Variants in PRDM10 observed in about 807,000 individuals in gnomAD.
PRDM10 encodes the protein PR domain zinc finger protein 10.
PRDM10 carries 65 observed loss-of-function variants against 133.1 expected under a neutral mutation model. The ratio of observed to expected loss-of-function variants is 0.49; its 90% CI spans 0.40 to 0.60. The LOEUF is 0.60. Ranked by LOEUF, PRDM10 falls within the 20% of genes least tolerant of loss-of-function variation. The pLI is 0.00. For synonymous variants in PRDM10, 582 were observed against 580.4 expected, an observed-to-expected ratio of 1.00 and a Z score of -0.04; for missense variants, 1,137 against 1,507.1, an observed-to-expected ratio of 0.75 and a Z score of 4.07.
chr11:129,905,561 G>A (rs775089641), intron 20 of PRDM10, 77 bp downstream of exon 20: 18 of 1,061,190 alleles, frequency 1.7e-5, no homozygotes, highest in African/African-American at 7.9e-5. Context: ...CAATCATTAC[G>A]AGATAAGTGG....
intron 1 of PRDM10, among the ~76,000 whole-genome samples, chr11:129,982,757 C>A (rs1224768306): frequency 6.6e-6 from 1 of 151,912 alleles, no homozygotes; most frequent in African/African-American, 2.4e-5. Context: ...TCAAGATCAG[C>A]CTGGGCAACA....
At chr11:129,938,775 G>T (rs545728741) in intron 7 of PRDM10, among the ~76,000 whole-genome samples, 2 of 152,142 alleles carry the variant, frequency 1.3e-5, no homozygotes, top group African/African-American at 2.4e-5. Flanking sequence ...ACGGCTTCTC[G>T]TCTCATAGTA....
At chr11:129,926,615 A>G (rs1950685877) in intron 11 of PRDM10, among the ~76,000 whole-genome samples, 1 of 152,242 alleles carries the variant, frequency 6.6e-6, no homozygotes, top group Admixed American at 6.5e-5. Flanking sequence ...ACTATGTAAC[A>G]AGAGATTTCC....
At chr11:129,902,684 T>C (rs1049429296) in intron 20 of PRDM10, among the ~76,000 whole-genome samples, 168 bp from the exon 21 acceptor site, 86 of 152,262 alleles carry the variant, frequency 5.6e-4, no homozygotes, top group Non-Finnish European at 2.2e-4. Flanking sequence ...TCACAATAAT[T>C]GACGACAAAG....
intron 6 of PRDM10, among the ~76,000 whole-genome samples, chr11:129,943,065 GAAA>G (rs1296611971): frequency 6.6e-6 from 1 of 152,136 alleles, no homozygotes; most frequent in Non-Finnish European, 1.5e-5. Context: ...AGAACACAAA[GAAA>G]ATCTCCCCAT....
chr11:129,912,067 G>A lies in PRDM10; in HGVS notation c.2982+18C>T. The A allele has an allele frequency of 6.3e-7, 1 of 1,584,304 alleles. No homozygotes were observed. The highest frequency in any genetic ancestry group is 1.2e-5 in the South Asian group (1 of 86,708). On this transcript the variant is annotated intron_variant, in intron 18 of 20. Coordinates refer to ENST00000360871, the MANE Select transcript of PRDM10 (RefSeq NM_199437.2). ...GAAGCCATGATAACACCTCCAAATA[G>A]TCTGTGGAGCAGGGTACCTGGGCGG...
intron 1 of PRDM10, among the ~76,000 whole-genome samples, chr11:129,968,379 G>C (rs1467463831): frequency 6.6e-6 from 1 of 152,174 alleles, no homozygotes; most frequent in Non-Finnish European, 1.5e-5. Context: ...GCTATGGAAA[G>C]AAGTTATAGG....
At position 129,912,117 on chromosome 11, in the gene PRDM10, C is replaced by T. The variant is rs747377245; in HGVS notation, c.2950G>A (p.Glu984Lys). The change falls in exon 18 of 21, where the codon GAG becomes AAG. Residue 984 changes from glutamate to lysine, a missense_variant. Coordinates refer to ENST00000360871, the MANE Select transcript of PRDM10 (RefSeq NM_199437.2). ...AIQVQHIQVSEPTASAPSSAQ... is the reference protein window; with the variant it reads ...AIQVQHIQVSKPTASAPSSAQ... ...GAGGACGGGGCCGAGGCGGTAGGCT[C>T]GCTGACCTGGATGTGCTGCACCTGG... is the stretch of plus-strand genomic sequence containing the variant. The T allele has an allele frequency of 1.2e-5, 20 of 1,612,370 alleles. No individual in the cohort carries two copies. In the African/African-American group the frequency reaches 1.6e-4, roughly 13 times the overall value.
At chr11:129,954,158 T>C (rs1951649426) in intron 4 of PRDM10, among the ~76,000 whole-genome samples, 1 of 151,270 alleles carries the variant, frequency 6.6e-6, no homozygotes, top group Non-Finnish European at 1.5e-5. Flanking sequence ...GATATGAATA[T>C]AACTAGGGTT....
In PRDM10 at chr11:129,942,564, A is replaced by C. The variant is rs755391731; in HGVS notation, c.828T>G (p.Ser276=). 10 of 1,614,160 alleles carry C rather than the reference A, an allele frequency of 6.2e-6. No homozygotes were observed. Among genetic ancestry groups the C allele is most frequent in the Non-Finnish European group, 8.5e-6 (10 of 1,180,030 alleles). Residue 276 remains serine, a synonymous_variant, in exon 7 of 21, where the codon TCT becomes TCG. Coordinates refer to ENST00000360871, the MANE Select transcript of PRDM10 (RefSeq NM_199437.2). The part of the protein sequence containing the change: ...DLHEDLWFEL[S]DETLCNWMMF... The stretch of plus-strand genomic sequence containing the variant: ...TCATCCAGTTACAAAGCGTCTCATC[A>C]GACAACTCAAACCATAGGTCTTCAT...
At chr11:129,972,137 G>A (rs1032508081) in intron 1 of PRDM10, among the ~76,000 whole-genome samples, 23 of 152,204 alleles carry the variant, frequency 1.5e-4, no homozygotes, top group African/African-American at 4.3e-4. Flanking sequence ...CCAAGCCCAC[G>A]CCCACCCAGA....
chr11:129,917,713 A>G (rs1950401058), intron 14 of PRDM10, among the ~76,000 whole-genome samples: 1 of 152,266 alleles, frequency 6.6e-6, no homozygotes, highest in Non-Finnish European at 1.5e-5. Flanking sequence ...AACAAGGTCA[A>G]AATGAGTTGA....
At position 129,950,660 on chromosome 11, in the gene PRDM10, C is replaced by T. The variant is rs571878689; in HGVS notation, c.295-3290G>A. On this transcript the variant is annotated intron_variant, in intron 4 of 20. Transcript: ENST00000360871. ...TCTCAGAGCACAGCTTACAATACTGCCCCTTGTCCTAAGCGCTTAAGCATT... is the reference window on the plus strand; with the variant it reads ...TCTCAGAGCACAGCTTACAATACTGTCCCTTGTCCTAAGCGCTTAAGCATT... Among the ~76,000 whole-genome samples, 12 of 152,300 alleles carry T rather than the reference C, an allele frequency of 7.9e-5. No homozygotes were observed. The South Asian group carries it at 2.3e-3, about 29-fold the overall frequency.
intron 1 of PRDM10, among the ~76,000 whole-genome samples, chr11:129,963,780 T>C (rs1951850887): frequency 6.6e-6 from 1 of 152,156 alleles, no homozygotes. Flanking sequence ...GTTAACACGG[T>C]AACAGTAATA....
intron 13 of PRDM10, among the ~76,000 whole-genome samples, chr11:129,919,375 T>A (rs1426797255): frequency 6.6e-6 from 1 of 152,088 alleles, no homozygotes; most frequent in African/African-American, 2.4e-5. Flanking sequence ...AAAGAAAAAA[T>A]GCCATGTGTA....
chr11:129,905,843 G>T, intron 19 of PRDM10, 102 bp from the exon 20 acceptor site: 1 of 935,922 alleles, frequency 1.1e-6, no homozygotes, highest in Non-Finnish European at 1.7e-6. Context: ...TGATTTGCTT[G>T]CCATGAGAGT....
intron 7 of PRDM10, 89 bp downstream of exon 7, chr11:129,942,337 C>A: frequency 4.4e-5 from 60 of 1,355,062 alleles, no homozygotes; most frequent in African/African-American, 5.9e-5. Flanking sequence ...TTTTGTTAAA[C>A]AAACCCACTT....
At chr11:129,994,465 CAAAA>C (rs1187507792) in intron 1 of PRDM10, among the ~76,000 whole-genome samples, 3 of 79,498 alleles carry the variant, frequency 3.8e-5, no homozygotes, top group African/African-American at 5.0e-5. Context: ...AACTCTGCCT[CAAAA>C]AAAAAAAAAA....
Position 129,944,742 on chromosome 11 carries a change from G to T in PRDM10, c.762+29C>A, listed in dbSNP as rs768313189. 7 of 1,612,614 alleles carry T rather than the reference G, an allele frequency of 4.3e-6. No homozygotes were observed. In the East Asian group the frequency reaches 1.6e-4, roughly 36 times the overall value. The stretch of plus-strand genomic sequence containing the variant: ...CTCCTTCAAACACTGGTAAAGGACA[G>T]GAGTGAAGTGTGATAGAGCATAAAT... On this transcript the variant is annotated intron_variant, in intron 6 of 20. Transcript: ENST00000360871.
Sources: gnomAD v4.1 joint callset for allele counts (sites outside exome capture counted in the v4.1 genomes callset) on GRCh38, gnomAD v4.1.1 for gene constraint, MANE v1.5 for transcripts, NCBI Gene and HGNC (gene_info 2026-07-23, HGNC 2026-07-21) for gene names.